The following TMEM181 variants were observed in gnomAD, a reference collection of about 807,000 sequenced individuals.
The protein encoded by TMEM181 is transmembrane protein 181.
A neutral mutation model predicts 71.9 loss-of-function variants in TMEM181; 39 were observed. The observed-to-expected ratio is 0.54, with a 90% CI of 0.42 to 0.71. TMEM181 has a LOEUF of 0.71. TMEM181 is among the 30% of genes least tolerant of loss of function. The pLI, the probability that TMEM181 is intolerant of heterozygous loss-of-function variation, is 0.00. For synonymous variants in TMEM181, 245 were observed against 228.8 expected, an observed-to-expected ratio of 1.07 and a Z score of -0.64; for missense variants, 595 against 583.0, an observed-to-expected ratio of 1.02 and a Z score of -0.21.
chr6:158,621,819 T>C (rs145096985), intron 10 of TMEM181, among the ~76,000 whole-genome samples: 5 of 152,236 alleles, frequency 3.3e-5, no homozygotes, highest in African/African-American at 9.6e-5. Flanking sequence ...CACAGATGCC[T>C]AACTGCTTCA....
At chr6:158,560,670 C>T (rs1782110864) in intron 1 of TMEM181, among the ~76,000 whole-genome samples, 1 of 152,234 alleles carries the variant, frequency 6.6e-6, no homozygotes, top group East Asian at 1.9e-4. Context: ...CCCGCGCTGC[C>T]CTGCGGTCTC....
At position 158,592,021 on chromosome 6, in the gene TMEM181, C is replaced by T. The variant is rs947467988; in HGVS notation, c.492+2239C>T. Among the ~76,000 whole-genome samples the T allele has an allele frequency of 4.6e-5, 7 of 152,276 alleles. No individual in the cohort carries two copies. The South Asian group carries it at 6.2e-4, about 14-fold the overall frequency. ...AAGACGTTACCATGGGAACCACTCACCTTGAATTACACCACAGCCAGAGCC... is the reference window on the plus strand; with the variant it reads ...AAGACGTTACCATGGGAACCACTCATCTTGAATTACACCACAGCCAGAGCC... On this transcript the variant is annotated intron_variant, in intron 6 of 16. Coordinates refer to ENST00000684151, the MANE Select transcript of TMEM181 (RefSeq NM_001376852.1).
chr6:158,551,379 G>GTAGGAACACA lies in TMEM181; in HGVS notation c.131+14515_131+14516insAGGAACACAT, dbSNP rs759865542. ...TTTTATTTAATCCACTGGTCCTACA[G>GTAGGAACACA]TTACTAGAAATGTGTTCAAGAGTAC... On this transcript the variant is annotated intron_variant, in intron 1 of 16. Coordinates refer to the TMEM181 transcript ENST00000367090. Among the ~76,000 whole-genome samples, 455 of 152,200 alleles carry GTAGGAACACA rather than the reference G, an allele frequency of 3.0e-3. No individual in the cohort carries two copies. The Middle Eastern group carries it at 0.034, about 11-fold the overall frequency.
intron 13 of TMEM181, among the ~76,000 whole-genome samples, chr6:158,627,136 C>T (rs56411815): frequency 0.3 from 44,880 of 149,054 alleles, 7,152 homozygotes; most frequent in East Asian, 0.65. Context: ...CCCTTGCTCA[C>T]ACACCTTACA....
rs1047783026 is a variant in TMEM181 at position 158,634,280 on chromosome 6, C to T, written c.*2392C>T. 16 of 152,206 alleles carry T rather than the reference C, an allele frequency of 1.1e-4. No individual in the cohort carries two copies. Among genetic ancestry groups the T allele is most frequent in the African/African-American group, 2.4e-5 (1 of 41,458 alleles). 9.4% of individuals were successfully genotyped at this position (152,206 alleles called of 1,614,324 possible). A position where few individuals can be genotyped will look rare whatever the true frequency, so the allele number is the denominator to read the frequency against. On this transcript the variant is annotated 3_prime_UTR_variant, in exon 17 of 17. Transcript: ENST00000684151. ...TACCCCATGTAAAATTTTGCTTAAA[C>T]TCTCTAGCACTTGGCATGTAGAATA...
chr6:158,627,375 T>C (rs1466095972), intron 13 of TMEM181, among the ~76,000 whole-genome samples: 1 of 152,224 alleles, frequency 6.6e-6, no homozygotes, highest in Non-Finnish European at 1.5e-5. Flanking sequence ...CAGACAGGCT[T>C]CTCTCTGTCA....
chr6:158,580,326 A>G (rs1028440205), intron 2 of TMEM181, among the ~76,000 whole-genome samples: 2 of 152,190 alleles, frequency 1.3e-5, no homozygotes, highest in Admixed American at 6.5e-5. Context: ...ACAAAAAGAA[A>G]AAAAATAGTT....
rs894123 is a variant in TMEM181, at chr6:158,620,684, G to A, written c.897-2866G>A. Reference sequence around the variant, plus strand: ...GTTGTCCTCGCACAAATTGCTGGAAGAGTGAAGTGAGAGAAAAGATGGGGT... The same window carrying A: ...GTTGTCCTCGCACAAATTGCTGGAAAAGTGAAGTGAGAGAAAAGATGGGGT... On this transcript the variant is annotated intron_variant, in intron 10 of 16. Transcript: ENST00000684151. The surrounding 1 kb of genome is among the most constrained non-coding windows in gnomAD (Gnocchi z 4.5). Among the ~76,000 whole-genome samples the A allele has an allele frequency of 0.6, 91,259 of 151,738 alleles. 27,786 individuals are homozygous for A. The highest frequency in any genetic ancestry group is 0.68 in the African/African-American group (27,931 of 41,346).
intron 1 of TMEM181, among the ~76,000 whole-genome samples, chr6:158,552,654 G>C (rs1781755060): frequency 6.6e-6 from 1 of 152,172 alleles, no homozygotes; most frequent in African/African-American, 2.4e-5. Context: ...CTGATAAAAA[G>C]GTTGAAGGAG....
At chr6:158,604,732 G>GT (rs1784852168) in intron 6 of TMEM181, among the ~76,000 whole-genome samples, 1 of 152,084 alleles carries the variant, frequency 6.6e-6, no homozygotes, top group Admixed American at 6.5e-5. Flanking sequence ...TTCTTTTGAT[G>GT]GAAAGTATGA....
At position 158,608,745 on chromosome 6, in the gene TMEM181, G is replaced by C; in HGVS notation, c.891G>C (p.Trp297Cys). Residue 297 changes from tryptophan to cysteine, a missense_variant, in exon 10 of 17, where the codon TGG (tryptophan) becomes TGC (cysteine). Trp to Cys is a radical substitution (Grantham distance 215). Coordinates refer to ENST00000684151, the MANE Select transcript of TMEM181 (RefSeq NM_001376852.1). ...TGGCTTCTGTTACGCTAGGAATATG[G>C]CAAACGTGAGTAATTCTATTATGTG... Reference protein sequence around the residue: ...LWLASVTLGIWQTVNELHDPM... With the variant: ...LWLASVTLGICQTVNELHDPM... 1 of 1,610,436 alleles carries C rather than the reference G, an allele frequency of 6.2e-7. No homozygotes were observed. Among genetic ancestry groups the C allele is most frequent in the Non-Finnish European group, 8.5e-7 (1 of 1,179,000 alleles).
chr6:158,559,634 G>A (rs140439775), upstream of TMEM181, among the ~76,000 whole-genome samples: 58 of 152,316 alleles, frequency 3.8e-4, 1 homozygote, highest in East Asian at 0.01. Context: ...AGCCCGGAAG[G>A]TTCCTGTCAT....
At chr6:158,609,872 G>A (rs1224885615) in intron 10 of TMEM181, 2 of 236,768 alleles carry the variant, frequency 8.4e-6, no homozygotes, top group East Asian at 2.1e-4. Context: ...GGGAGCATCC[G>A]TTTCCATGAT....
At chr6:158,586,817 C>T (rs1401195051) in intron 5 of TMEM181, among the ~76,000 whole-genome samples, 1 of 152,156 alleles carries the variant, frequency 6.6e-6, no homozygotes, top group Non-Finnish European at 1.5e-5. Flanking sequence ...ATCAAGCCTT[C>T]CCTGCCTGCC....
chr6:158,581,521 A>C (rs1022395703), intron 3 of TMEM181, among the ~76,000 whole-genome samples: 1 of 152,128 alleles, frequency 6.6e-6, no homozygotes, highest in Non-Finnish European at 1.5e-5. Context: ...TGGGAAGCTG[A>C]GGTGAGCTGA....
In TMEM181 at chr6:158,589,694, C is replaced by T. The variant is rs766126651; in HGVS notation, c.404C>T (p.Ala135Val). Residue 135 changes from alanine (A) to valine (V), a missense_variant, in exon 6 of 17, where the codon GCT (alanine) becomes GTT (valine). Physicochemically the swap from Ala to Val is moderately conservative, Grantham distance 64. Coordinates refer to ENST00000684151, the MANE Select transcript of TMEM181 (RefSeq NM_001376852.1). ...CAGAAATGTGCGGAGATTATTGTGGCTCACCTTGGCTACCTGAACTACACT... is the reference window on the plus strand; with the variant it reads ...CAGAAATGTGCGGAGATTATTGTGGTTCACCTTGGCTACCTGAACTACACT... ...CAGKCAEIIV[A>V]HLGYLNYTQY... The T allele has an allele frequency of 1.2e-6, 2 of 1,614,066 alleles. No homozygotes were observed. Among genetic ancestry groups the T allele is most frequent in the Non-Finnish European group, 1.7e-6 (2 of 1,179,982 alleles).
intron 1 of TMEM181, among the ~76,000 whole-genome samples, chr6:158,569,341 C>T (rs1016653414): frequency 6.6e-6 from 1 of 152,230 alleles, no homozygotes; most frequent in Non-Finnish European, 1.5e-5. Flanking sequence ...CAGGGCCTGG[C>T]GCCCACCCTC....
At chr6:158,617,195 T>G (rs1238970660) in intron 10 of TMEM181, among the ~76,000 whole-genome samples, 3 of 152,238 alleles carry the variant, frequency 2.0e-5, no homozygotes, top group Admixed American at 2.0e-4. Context: ...TTCAGCTTCT[T>G]CCTGGTTTCG....
intron 10 of TMEM181, among the ~76,000 whole-genome samples, chr6:158,613,631 C>A (rs551678680): frequency 6.6e-6 from 1 of 152,286 alleles, no homozygotes; most frequent in East Asian, 1.9e-4. Context: ...TTCTTGGCTT[C>A]CTAAGTCAAG....
Sources: gnomAD v4.1 joint callset for allele counts (sites outside exome capture counted in the v4.1 genomes callset) on GRCh38, gnomAD v4.1.1 for gene constraint, Gnocchi (gnomAD v3.1) non-coding constraint, MANE v1.5 for transcripts, NCBI Gene and HGNC (gene_info 2026-07-23, HGNC 2026-07-21) for gene names.